HECTD4: variants seen among roughly 807,000 people sequenced by gnomAD.
HECTD4 encodes probable E3 ubiquitin-protein ligase HECTD4.
A neutral mutation model predicts 471.5 loss-of-function variants in HECTD4; 114 were observed. The ratio of observed to expected loss-of-function variants is 0.24; its 90% CI spans 0.21 to 0.28. The LOEUF is 0.28. Ranked by LOEUF, HECTD4 falls within the 10% of genes least tolerant of loss-of-function variation. HECTD4 has a pLI of 1.00. For missense variants in HECTD4, 3,866 were observed against 5,651.5 expected (o/e 0.68, Z 10.13); for synonymous variants, 2,012 against 2,256.0 (o/e 0.89, Z 3.07).
At chr12:112,260,863 C>T (rs1235325984) in intron 18 of HECTD4, among the ~76,000 whole-genome samples, 2 of 151,884 alleles carry the variant, frequency 1.3e-5, no homozygotes, top group Non-Finnish European at 1.5e-5. Context: ...TATAGGTCAG[C>T]CATGTATTTG....
At chr12:112,217,300 TAC>T (rs138913540) in intron 45 of HECTD4, 105 bp from the exon 46 acceptor site, 6,080 of 565,258 alleles carry the variant, frequency 0.011, no homozygotes, top group South Asian at 0.013. Flanking sequence ...AATATAGGCA[TAC>T]ACACACACAC....
intron 4 of HECTD4, 138 bp from the exon 5 acceptor site, chr12:112,309,807 G>C: frequency 1.9e-6 from 1 of 513,744 alleles, no homozygotes; most frequent in Non-Finnish European, 3.4e-6. Flanking sequence ...GCTTCAATGT[G>C]ACTTTCAGGG....
At chr12:112,262,613 T>C (rs2034175495) in intron 17 of HECTD4, among the ~76,000 whole-genome samples, 1 of 112,066 alleles carries the variant, frequency 8.9e-6, no homozygotes, top group African/African-American at 6.0e-5. Flanking sequence ...TTCTGGGGTC[T>C]TTATTATTAT....
Position 112,163,790 on chromosome 12 carries a change from C to A in HECTD4, c.12702-53G>T. The A allele has an allele frequency of 7.2e-7, 1 of 1,382,344 alleles. No homozygotes were observed. Among genetic ancestry groups the A allele is most frequent in the Admixed American group, 3.1e-5 (1 of 31,984 alleles). 85.6% of individuals were successfully genotyped at this position (1,382,344 alleles called of 1,614,324 possible). Reference sequence around the variant, plus strand: ...GAGAACACCGCCGAAGAGGCTGGGTCTGGGGGCCACACCCACTCAGCTGGA... The same window carrying A: ...GAGAACACCGCCGAAGAGGCTGGGTATGGGGGCCACACCCACTCAGCTGGA... On this transcript the variant is annotated intron_variant, in intron 73 of 75. Transcript: ENST00000682272. The surrounding 1 kb of genome is among the most constrained non-coding windows in gnomAD (Gnocchi z 8.2).
intron 1 of HECTD4, among the ~76,000 whole-genome samples, chr12:112,356,457 G>A (rs1156820123): frequency 6.6e-6 from 1 of 151,902 alleles, no homozygotes; most frequent in African/African-American, 2.4e-5. Flanking sequence ...TTTGTTTTTA[G>A]AAAGACAGGG....
intron 7 of HECTD4, among the ~76,000 whole-genome samples, chr12:112,298,763 T>A (rs1042243772): frequency 1.3e-5 from 2 of 151,586 alleles, no homozygotes; most frequent in Non-Finnish European, 2.9e-5. Flanking sequence ...GCGCCTGTAA[T>A]CCCAGCTACT....
rs753808247 is a variant in HECTD4 at position 112,167,502 on chromosome 12, C to A, written c.12349G>T (p.Gly4117Trp). The change falls in exon 72 of 76, where the codon GGG (glycine) becomes TGG (tryptophan). Residue 4117 changes from glycine (G) to tryptophan (W), a missense_variant. Gly to Trp is a radical substitution (Grantham distance 184, BLOSUM62 -2). This residue lies in a region of HECTD4 where 715 missense variants were observed against 1,087.6 expected (regional missense o/e 0.66). Transcript: ENST00000682272. ...AGGAAGTGCAGCAGCTGCTCCTCCC[C>A]GTAGGTGATGGGGCTCGGGGTCAGG... The part of the protein sequence containing the change: ...YILTPSPITY[G>W]EEQLLHFLGQ... 33 of 1,608,008 alleles carry A rather than the reference C, an allele frequency of 2.1e-5. No homozygotes were observed. In the Admixed American group the frequency reaches 5.2e-4, roughly 25 times the overall value.
Position 112,179,511 on chromosome 12 carries a change from G to T in HECTD4, c.10988-114C>A. 2 of 935,346 alleles carry T rather than the reference G, an allele frequency of 2.1e-6. No individual in the cohort carries two copies. Among genetic ancestry groups the T allele is most frequent in the Non-Finnish European group, 3.3e-6 (2 of 610,238 alleles). The allele number at this position is 935,346 out of a possible 1,614,324, so 57.9% of individuals were successfully genotyped here. A position where few individuals can be genotyped will look rare whatever the true frequency, so the allele number is the denominator to read the frequency against. ...AAAGGGGCAGTGGATGGACATTAGT[G>T]GAAGGAAGAGCTGCCCACCAAAGCC... On this transcript the variant is annotated intron_variant, in intron 62 of 75. Transcript: ENST00000682272. This position sits in a 1 kb window ranked among gnomAD's most constrained non-coding sequence, Gnocchi z 4.3.
At chr12:112,320,373 C>T (rs1420267273) in intron 1 of HECTD4, among the ~76,000 whole-genome samples, 1 of 151,298 alleles carries the variant, frequency 6.6e-6, no homozygotes, top group Non-Finnish European at 1.5e-5. Context: ...AAAATTGAAG[C>T]ATAAACCTTT....
intron 19 of HECTD4, 183 bp from the exon 20 acceptor site, chr12:112,258,779 T>C (rs1293153490): frequency 8.7e-6 from 5 of 571,860 alleles, no homozygotes; most frequent in Non-Finnish European, 1.5e-5. Flanking sequence ...TGTAATGGAA[T>C]GCATCATTTA....
chr12:112,182,824 C>T (rs1490194920), intron 62 of HECTD4, among the ~76,000 whole-genome samples: 1 of 152,252 alleles, frequency 6.6e-6, no homozygotes, highest in Non-Finnish European at 1.5e-5. Context: ...TACAAAGATG[C>T]ACATAACCAG....
chr12:112,332,236 T>C (rs947468320), intron 1 of HECTD4, among the ~76,000 whole-genome samples: 2 of 152,090 alleles, frequency 1.3e-5, no homozygotes, highest in South Asian at 2.1e-4. Context: ...GCTCACTTTA[T>C]ATAAAGATTC....
intron 64 of HECTD4, among the ~76,000 whole-genome samples, chr12:112,176,910 AT>A (rs1358141806): frequency 6.6e-6 from 1 of 152,232 alleles, no homozygotes; most frequent in African/African-American, 2.4e-5. Flanking sequence ...GCCTTAAAAC[AT>A]GAAAAATCTT....
intron 7 of HECTD4, among the ~76,000 whole-genome samples, chr12:112,284,939 C>T (rs1035625684): frequency 1.3e-5 from 2 of 152,106 alleles, no homozygotes; most frequent in Non-Finnish European, 2.9e-5. Flanking sequence ...TCAGATGATC[C>T]TCCCACCCCA....
In HECTD4 at chr12:112,185,248, C is replaced by A. The variant is rs549597278; in HGVS notation, c.9718G>T (p.Gly3240Trp). The change falls in exon 61 of 76, where the codon GGG (glycine) becomes TGG (tryptophan). Residue 3240 changes from glycine to tryptophan, a missense_variant. Transcript: ENST00000682272. ...WVSGGACGGS[G>W]GAAAGDQGRF... ...CCCTGGTCACCGGCCGCCGCCCCCC[C>A]GGAGCCCCCGCAGGCGCCGCCTGAG... The A allele has an allele frequency of 6.5e-7, 1 of 1,550,146 alleles. No homozygotes were observed. Among genetic ancestry groups the A allele is most frequent in the South Asian group, 1.2e-5 (1 of 84,022 alleles).
intron 1 of HECTD4, among the ~76,000 whole-genome samples, chr12:112,378,004 T>C (rs937479647): frequency 2.8e-4 from 42 of 152,364 alleles, no homozygotes; most frequent in African/African-American, 9.4e-4. Flanking sequence ...TTTCTTTAGA[T>C]TGACTTTGAG....
At chr12:112,274,739 C>A in intron 10 of HECTD4, 108 bp downstream of exon 10, 1 of 700,412 alleles carries the variant, frequency 1.4e-6, no homozygotes, top group Non-Finnish European at 2.4e-6. Flanking sequence ...CAAAAAACGT[C>A]TTTCTTTTCA....
intron 39 of HECTD4, chr12:112,231,279 G>A (rs747362574): frequency 2.0e-5 from 11 of 563,822 alleles, no homozygotes; most frequent in African/African-American, 5.6e-5. Flanking sequence ...GGCTATAAAT[G>A]TCCCCTCAGC....
At chr12:112,283,033 CG>C in intron 8 of HECTD4, 76 bp downstream of exon 8, 1 of 1,196,804 alleles carries the variant, frequency 8.4e-7, no homozygotes, top group East Asian at 2.4e-5. Context: ...TTGTACAGCA[CG>C]GACGAAGTGC....
Sources: allele counts gnomAD v4.1 joint callset (sites outside exome capture counted in the v4.1 genomes callset), GRCh38; gene constraint gnomAD v4.1.1; regional missense constraint gnomAD v4.1.1; non-coding constraint Gnocchi (gnomAD v3.1); transcripts MANE v1.5; gene names NCBI Gene and HGNC (gene_info 2026-07-23, HGNC 2026-07-21).